ALMS1: variants seen among roughly 807,000 people sequenced by gnomAD.
ALMS1 encodes ALMS1 centrosome and basal body associated protein.
ALMS1 carries 271 observed loss-of-function variants against 352.2 expected under a neutral mutation model. The ratio of observed to expected loss-of-function variants is 0.77; its 90% CI spans 0.70 to 0.85. The LOEUF (loss-of-function observed/expected upper bound fraction) is 0.85, where lower values mean the gene tolerates loss of function less well. Ranked by LOEUF, ALMS1 falls within the 40% of genes least tolerant of loss-of-function variation. The pLI is 0.00. For synonymous variants in ALMS1, 1,865 were observed against 1,761.2 expected (o/e 1.06, Z -1.48); for missense variants, 5,445 against 4,870.7 (o/e 1.12, Z -3.51).
At chr2:73,495,445 A>G (rs537446315) in intron 10 of ALMS1, among the ~76,000 whole-genome samples, 1 of 152,288 alleles carries the variant, frequency 6.6e-6, no homozygotes, top group South Asian at 2.1e-4. Context: ...CATGTTGGCC[A>G]GGCTGGTCTT....
intron 16 of ALMS1, among the ~76,000 whole-genome samples, chr2:73,584,039 C>T (rs1036241861): frequency 3.3e-5 from 5 of 152,016 alleles, no homozygotes; most frequent in Admixed American, 6.6e-5. Flanking sequence ...CATGTTTCTT[C>T]GAGTTGGTTT....
chr2:73,574,335 T>C (rs1675007651), intron 16 of ALMS1, among the ~76,000 whole-genome samples: 1 of 152,124 alleles, frequency 6.6e-6, no homozygotes, highest in Admixed American at 6.5e-5. Flanking sequence ...AGACATGCTC[T>C]CCAAAGAAGG....
At chr2:73,550,211 T>G in intron 12 of ALMS1, 56 bp from the exon 13 acceptor site, 3 of 1,601,898 alleles carry the variant, frequency 1.9e-6, no homozygotes, top group South Asian at 2.2e-5. Context: ...TTAAAAAGTC[T>G]TTCTCAATCT....
intron 11 of ALMS1, among the ~76,000 whole-genome samples, chr2:73,532,687 TC>T (rs2103987932): frequency 6.6e-6 from 1 of 152,000 alleles, no homozygotes; most frequent in African/African-American, 2.4e-5. Flanking sequence ...ACACCTGGAA[TC>T]AGGAACTCCT....
chr2:73,495,077 C>T (rs905791611), intron 10 of ALMS1, among the ~76,000 whole-genome samples: 1 of 152,176 alleles, frequency 6.6e-6, no homozygotes, highest in East Asian at 1.9e-4. Flanking sequence ...GTGTTTATTT[C>T]ATTATTTGGA....
intron 7 of ALMS1, among the ~76,000 whole-genome samples, chr2:73,447,004 G>T (rs746134208): frequency 6.6e-6 from 1 of 152,078 alleles, no homozygotes; most frequent in Non-Finnish European, 1.5e-5. Context: ...CCAATTTATT[G>T]TCAGCCTCCT....
chr2:73,474,478 ATTGT>A (rs1328653115), intron 9 of ALMS1, among the ~76,000 whole-genome samples: 4 of 150,650 alleles, frequency 2.7e-5, no homozygotes, highest in Admixed American at 6.7e-5. Flanking sequence ...AGTCTTTGAC[ATTGT>A]TTGTTTGTTT....
chr2:73,573,436 C>T lies in ALMS1; in HGVS notation c.11547+12C>T, dbSNP rs755559102. ...GGAGACACATCCAGGTACATGGCTACAGATTCCATCTGGCAATGTGACTGC... is the reference window on the plus strand; with the variant it reads ...GGAGACACATCCAGGTACATGGCTATAGATTCCATCTGGCAATGTGACTGC... On this transcript the variant is annotated intron_variant, in intron 16 of 22. Coordinates refer to ENST00000613296, the MANE Select transcript of ALMS1 (RefSeq NM_001378454.1). The T allele has an allele frequency of 1.2e-6, 2 of 1,613,608 alleles. No homozygotes were observed. The highest frequency in any genetic ancestry group is 1.7e-6 in the Non-Finnish European group (2 of 1,179,720).
At chr2:73,480,528 A>G (rs1288503820) in intron 9 of ALMS1, among the ~76,000 whole-genome samples, 5 of 152,268 alleles carry the variant, frequency 3.3e-5, no homozygotes, top group South Asian at 2.1e-4. Context: ...TAATGCCGCA[A>G]TAAACATACG....
chr2:73,584,683 T>A (rs1332610948), intron 16 of ALMS1, among the ~76,000 whole-genome samples: 4 of 152,232 alleles, frequency 2.6e-5, no homozygotes. Context: ...TTTGGTTACA[T>A]GGATAAGTTG....
At chr2:73,531,318 C>T (rs1438435665) in intron 11 of ALMS1, among the ~76,000 whole-genome samples, 1 of 152,168 alleles carries the variant, frequency 6.6e-6, no homozygotes, top group East Asian at 1.9e-4. Context: ...CTGCCAGATA[C>T]CCTAAATCAT....
chr2:73,430,550 C>T (rs907048479), intron 6 of ALMS1, among the ~76,000 whole-genome samples: 3 of 152,130 alleles, frequency 2.0e-5, no homozygotes, highest in African/African-American at 7.2e-5. Context: ...TATATATGGT[C>T]ATGCCACATA....
intron 10 of ALMS1, among the ~76,000 whole-genome samples, chr2:73,497,707 A>G (rs1461446651): frequency 6.6e-6 from 1 of 152,206 alleles, no homozygotes; most frequent in Non-Finnish European, 1.5e-5. Context: ...AAGTTACTGC[A>G]AAAGACATTA....
Position 73,451,354 on chromosome 2 carries a change from C to T in ALMS1, c.4827C>T (p.Asp1609=), listed in dbSNP as rs371708421. 67 of 1,613,792 alleles carry T rather than the reference C, an allele frequency of 4.2e-5. No individual in the cohort carries two copies. Among genetic ancestry groups the T allele is most frequent in the Non-Finnish European group, 5.3e-5 (63 of 1,179,972 alleles). ...IVSGPTEKKT[D]IPAGPLGSSA... is the part of the protein sequence containing the mutation. ...CTGGACCTACTGAAAAAAAGACTGA[C>T]ATACCAGCAGGACCTTTAGGTTCCA... is the stretch of plus-strand genomic sequence containing the variant. Residue 1609 remains aspartate (D), a synonymous_variant, in exon 8 of 23, where the codon GAC becomes GAT. Coordinates refer to ENST00000613296, the MANE Select transcript of ALMS1 (RefSeq NM_001378454.1).
chr2:73,397,529 A>G (rs1288946944), intron 1 of ALMS1, among the ~76,000 whole-genome samples: 2 of 151,866 alleles, frequency 1.3e-5, no homozygotes, highest in Non-Finnish European at 2.9e-5. Flanking sequence ...ATGCAATGGC[A>G]TTATCTTGGC....
intron 8 of ALMS1, 89 bp from the exon 9 acceptor site, chr2:73,455,073 T>C (rs1672031633): frequency 1.4e-6 from 2 of 1,426,078 alleles, no homozygotes; most frequent in Non-Finnish European, 2.0e-6. Context: ...GGGTATTAAA[T>C]TGCATATATT....
intron 9 of ALMS1, chr2:73,469,522 A>G (rs1243796292): frequency 6.6e-6 from 1 of 151,948 alleles, no homozygotes; most frequent in Non-Finnish European, 1.5e-5. Context: ...TTTTCATGAA[A>G]TGACTGATTT....
intron 12 of ALMS1, among the ~76,000 whole-genome samples, chr2:73,542,190 C>T (rs970584995): frequency 6.6e-6 from 1 of 152,122 alleles, no homozygotes; most frequent in Admixed American, 6.5e-5. Context: ...GGGCTTCATC[C>T]CTGGGATGCA....
At chr2:73,439,284 CTT>C (rs879553051) in intron 7 of ALMS1, among the ~76,000 whole-genome samples, 1 of 145,542 alleles carries the variant, frequency 6.9e-6, no homozygotes. Context: ...CCCAGCTAAT[CTT>C]TTTTTTTTTG....
Sources: gnomAD v4.1 joint callset for allele counts (sites outside exome capture counted in the v4.1 genomes callset) on GRCh38, gnomAD v4.1.1 for gene constraint, MANE v1.5 for transcripts, NCBI Gene and HGNC (gene_info 2026-07-23, HGNC 2026-07-21) for gene names.